MAML3: variants seen among roughly 807,000 people sequenced by gnomAD.
MAML3 encodes the protein mastermind-like protein 3.
MAML3 carries 27 observed loss-of-function variants against 101.9 expected under a neutral mutation model. The ratio of observed to expected loss-of-function variants is 0.27; its 90% CI spans 0.20 to 0.37. MAML3 has a LOEUF of 0.37. MAML3 is among the 10% of genes least tolerant of loss of function. The pLI is 1.00. For synonymous variants in MAML3, 501 were observed against 555.9 expected (o/e 0.90, Z 1.39); for missense variants, 1,316 against 1,444.9 (o/e 0.91, Z 1.45).
At chr4:139,937,358 A>G (rs757721977) in intron 1 of MAML3, among the ~76,000 whole-genome samples, 5 of 152,176 alleles carry the variant, frequency 3.3e-5, no homozygotes, top group Admixed American at 6.5e-5. Context: ...AGTTAGTGGC[A>G]AAAGTCTGGT....
chr4:139,942,564 G>C (rs979152493), intron 1 of MAML3, among the ~76,000 whole-genome samples: 1 of 151,700 alleles, frequency 6.6e-6, no homozygotes, highest in African/African-American at 2.4e-5. Flanking sequence ...GTTTTAGGCT[G>C]TATATTACTT....
intron 1 of MAML3, among the ~76,000 whole-genome samples, chr4:139,971,844 G>T (rs1201512723): frequency 1.3e-5 from 2 of 152,058 alleles, no homozygotes; most frequent in Non-Finnish European, 2.9e-5. Flanking sequence ...GCATTCCCTG[G>T]TCCAGACTTG....
rs1342446268 is a variant in MAML3 at position 139,933,900 on chromosome 4, G to A, written c.469-42933C>T. ...GGTGGGGGTGTGTGTGAACGAGTGT[G>A]TGTCTGAGTGCATGGGATTATGAGT... On this transcript the variant is annotated intron_variant, in intron 1 of 4. Coordinates refer to ENST00000509479, the MANE Select transcript of MAML3 (RefSeq NM_018717.5). Among the ~76,000 whole-genome samples, 3 of 152,332 alleles carry A rather than the reference G, an allele frequency of 2.0e-5. No individual in the cohort carries two copies. In the East Asian group the frequency reaches 5.8e-4, roughly 29 times the overall value.
intron 1 of MAML3, among the ~76,000 whole-genome samples, chr4:139,995,273 T>C (rs1734785940): frequency 6.6e-6 from 1 of 152,206 alleles, no homozygotes; most frequent in Admixed American, 6.5e-5. Context: ...GCATTATCTT[T>C]TTTATATTTC....
chr4:140,002,046 A>G (rs1368133799), intron 1 of MAML3, among the ~76,000 whole-genome samples: 2 of 40,396 alleles, frequency 5.0e-5, no homozygotes, highest in African/African-American at 1.8e-4. Flanking sequence ...TCACACACTT[A>G]TCATTTTTTT....
Position 140,006,089 on chromosome 4 carries a change from C to T in MAML3, c.469-115122G>A, listed in dbSNP as rs117432956. 5.1e-3 allele frequency among the ~76,000 whole-genome samples: 774 copies of T among 152,234 alleles called. 23 individuals are homozygous for T. The East Asian group carries it at 0.088, about 17-fold the overall frequency. On this transcript the variant is annotated intron_variant, in intron 1 of 4. Coordinates refer to ENST00000509479, the MANE Select transcript of MAML3 (RefSeq NM_018717.5). ...GTTTGGAGGCTGCCACTTGAGATATCGTGTGCCATGCAAGGGCTTTCCAGA... is the reference window on the plus strand; with the variant it reads ...GTTTGGAGGCTGCCACTTGAGATATTGTGTGCCATGCAAGGGCTTTCCAGA...
chr4:139,989,882 C>CACACACACACACAGAG (rs1385720650), intron 1 of MAML3, among the ~76,000 whole-genome samples: 4 of 63,134 alleles, frequency 6.3e-5, no homozygotes, highest in African/African-American at 2.3e-4. Context: ...CACACACACA[C>CACACACACACACAGAG]AGAGAGAGAG....
chr4:139,999,960 G>T (rs958919207), intron 1 of MAML3, among the ~76,000 whole-genome samples: 4 of 152,108 alleles, frequency 2.6e-5, no homozygotes, highest in Non-Finnish European at 5.9e-5. Context: ...TGATATTTCT[G>T]CCCACTATGT....
intron 1 of MAML3, among the ~76,000 whole-genome samples, chr4:140,093,718 G>A (rs991607087): frequency 7.9e-5 from 12 of 151,952 alleles, no homozygotes; most frequent in Non-Finnish European, 1.8e-4. Context: ...GTGAGCCACC[G>A]TGCCCAGCCA....
chr4:139,817,579 T>A (rs2111118954), intron 2 of MAML3, among the ~76,000 whole-genome samples: 1 of 152,234 alleles, frequency 6.6e-6, no homozygotes, highest in South Asian at 2.1e-4. Flanking sequence ...GTCCTATCCC[T>A]CCATTCAGTG....
At chr4:139,828,491 A>C (rs942682821) in intron 2 of MAML3, among the ~76,000 whole-genome samples, 2 of 152,238 alleles carry the variant, frequency 1.3e-5, no homozygotes, top group Non-Finnish European at 2.9e-5. Context: ...TACACATTGA[A>C]TCCTACTAAA....
chr4:139,989,788 T>C (rs1734622994), intron 1 of MAML3, among the ~76,000 whole-genome samples: 1 of 151,584 alleles, frequency 6.6e-6, no homozygotes, highest in South Asian at 2.1e-4. Context: ...TTAACAATTT[T>C]ATTCATCCAG....
At chr4:140,027,920 A>G (rs1314839128) in intron 1 of MAML3, among the ~76,000 whole-genome samples, 1 of 152,238 alleles carries the variant, frequency 6.6e-6, no homozygotes, top group African/African-American at 2.4e-5. Flanking sequence ...GTATAACATG[A>G]AAAAGCTTTA....
At chr4:139,834,782 T>C (rs989754538) in intron 2 of MAML3, among the ~76,000 whole-genome samples, 2 of 152,180 alleles carry the variant, frequency 1.3e-5, no homozygotes, top group Admixed American at 6.5e-5. Context: ...TTAACAACTC[T>C]GTATCAACCA....
rs1728157440 is a variant in MAML3, at chr4:139,719,832, C to T, written c.2908G>A (p.Gly970Ser). The T allele has an allele frequency of 6.2e-7, 1 of 1,613,614 alleles. No homozygotes were observed. Residue 970 changes from glycine (G) to serine (S), a missense_variant, in exon 5 of 5, where the codon GGC becomes AGC. Physicochemically the swap from Gly to Ser is moderately conservative, Grantham distance 56. Transcript: ENST00000509479. ...TCTCCACTAGTCCTCCCAGGCATGC[C>T]CTGCAAGCTCCTCTGTTGCCAGCTT... The part of the protein sequence containing the change: ...AQSWQQRSLQ[G>S]MPGRTSGELG...
chr4:140,092,104 G>GTATATATATATATATATATACGTATATA (rs1416440469), intron 1 of MAML3, among the ~76,000 whole-genome samples: 4 of 79,154 alleles, frequency 5.1e-5, no homozygotes, highest in African/African-American at 1.7e-4. Flanking sequence ...ATATATATAC[G>GTATATATATATATATATATACGTATATA]TATATATATA....
chr4:140,100,666 A>G lies in MAML3; in HGVS notation c.468+52194T>C, dbSNP rs559277984. Among the ~76,000 whole-genome samples the G allele has an allele frequency of 2.1e-3, 316 of 152,300 alleles. 1 individual carries two copies. Among genetic ancestry groups the G allele is most frequent in the Non-Finnish European group, 3.3e-3 (224 of 68,030 alleles). ...TGTATTAAAAAAAAAAAAGATTTCAAAAACCTCAGCAAACCACAGAGGTAT... is the reference window on the plus strand; with the variant it reads ...TGTATTAAAAAAAAAAAAGATTTCAGAAACCTCAGCAAACCACAGAGGTAT... On this transcript the variant is annotated intron_variant, in intron 1 of 4. Transcript: ENST00000509479.
chr4:140,152,998 G>C lies in MAML3; in HGVS notation c.330C>G (p.Thr110=). 1.2e-6 allele frequency: 2 copies of C among 1,607,940 alleles called. No individual in the cohort carries two copies. The highest frequency in any genetic ancestry group is 1.7e-5 in the Admixed American group (1 of 59,212). The change falls in exon 1 of 5, where the codon ACC becomes ACG. Residue 110 remains threonine (T), a synonymous_variant. Coordinates refer to ENST00000509479, the MANE Select transcript of MAML3 (RefSeq NM_018717.5). ...VEQLELERRD[T]VSLYQRTLEQ... is the part of the protein sequence containing the mutation. ...CCAGGGTCCGCTGGTAGAGGCTCAC[G>C]GTGTCCCGGCGCTCCAGCTCCAGCT...
intron 1 of MAML3, among the ~76,000 whole-genome samples, chr4:140,143,701 C>T (rs1170419647): frequency 6.6e-6 from 1 of 152,178 alleles, no homozygotes; most frequent in African/African-American, 2.4e-5. Flanking sequence ...GTGGAGGTTG[C>T]AGTGAGCTGA....
Sources: gnomAD v4.1 joint callset for allele counts (sites outside exome capture counted in the v4.1 genomes callset) on GRCh38, gnomAD v4.1.1 for gene constraint, MANE v1.5 for transcripts, NCBI Gene and HGNC (gene_info 2026-07-23, HGNC 2026-07-21) for gene names.